The following FHIT variants were observed in gnomAD, a reference collection of about 807,000 sequenced individuals.
FHIT encodes the protein bis(5'-adenosyl)-triphosphatase.
In FHIT, 19 loss-of-function variants were observed where a neutral mutation model predicts 17.9. That is an observed-to-expected ratio of 1.06 (90% confidence interval 0.74 to 1.56). The LOEUF (loss-of-function observed/expected upper bound fraction) is 1.56, where lower values mean the gene tolerates loss of function less well. Among genes scored for constraint, FHIT ranks in the 40% most tolerant of loss-of-function variants. The probability of loss-of-function intolerance (pLI) is 0.00; values close to 1 mark genes in which losing one functional copy is unlikely to be tolerated. For synonymous variants in FHIT, 81 were observed against 69.7 expected (o/e 1.16, Z -0.81); for missense variants, 248 against 189.2 (o/e 1.31, Z -1.82).
chr3:60,614,180 G>A (rs1553674797), intron 4 of FHIT, among the ~76,000 whole-genome samples: 3 of 152,132 alleles, frequency 2.0e-5, no homozygotes, highest in African/African-American at 7.2e-5. Flanking sequence ...GATGAACTAT[G>A]CCTTTGTAAC....
intron 5 of FHIT, among the ~76,000 whole-genome samples, chr3:60,425,834 A>G (rs1296181965): frequency 6.6e-6 from 1 of 152,124 alleles, no homozygotes; most frequent in Non-Finnish European, 1.5e-5. Flanking sequence ...ATAGGATCCC[A>G]GCTTAAATCA....
intron 1 of FHIT, among the ~76,000 whole-genome samples, chr3:61,225,337 A>G (rs1368905145): frequency 6.6e-6 from 1 of 152,204 alleles, no homozygotes; most frequent in Non-Finnish European, 1.5e-5. Flanking sequence ...AAAAATATAT[A>G]TATTTTTTTG....
At chr3:60,866,366 C>G (rs573644346) in intron 3 of FHIT, among the ~76,000 whole-genome samples, 6 of 152,260 alleles carry the variant, frequency 3.9e-5, no homozygotes, top group Non-Finnish European at 7.4e-5. Context: ...AAAGCTTTCC[C>G]CCTTTTCTCT....
intron 5 of FHIT, among the ~76,000 whole-genome samples, chr3:60,229,596 T>C (rs1704392066): frequency 6.6e-6 from 1 of 152,150 alleles, no homozygotes; most frequent in Non-Finnish European, 1.5e-5. Flanking sequence ...ACCTTCTGTC[T>C]TTAGAAGGGG....
At chr3:60,009,076 G>A (rs148272231) in intron 7 of FHIT, among the ~76,000 whole-genome samples, 17 of 151,980 alleles carry the variant, frequency 1.1e-4, no homozygotes, top group Middle Eastern at 3.4e-3. Flanking sequence ...TACAAAGATC[G>A]CATTTTGAAA....
intron 5 of FHIT, among the ~76,000 whole-genome samples, chr3:60,271,299 A>T (rs1029040738): frequency 6.6e-6 from 1 of 152,102 alleles, no homozygotes; most frequent in Non-Finnish European, 1.5e-5. Flanking sequence ...GCTACTCAGG[A>T]GGCTGAGGCA....
chr3:60,989,886 G>A (rs915380012), intron 3 of FHIT, among the ~76,000 whole-genome samples: 1 of 152,190 alleles, frequency 6.6e-6, no homozygotes, highest in Non-Finnish European at 1.5e-5. Flanking sequence ...AAAGCCTGAG[G>A]TGGAAGGAAG....
At chr3:60,569,427 C>G (rs962368268) in intron 4 of FHIT, among the ~76,000 whole-genome samples, 31 of 152,050 alleles carry the variant, frequency 2.0e-4, no homozygotes, top group African/African-American at 7.0e-4. Flanking sequence ...CAAATTAGAT[C>G]CACTGCTTAC....
chr3:59,919,362 T>C (rs1259971389), intron 8 of FHIT, among the ~76,000 whole-genome samples: 1 of 152,208 alleles, frequency 6.6e-6, no homozygotes, highest in Non-Finnish European at 1.5e-5. Context: ...TGCCACTTTG[T>C]AGTCCGATAC....
chr3:60,510,896 A>G (rs910240107), intron 5 of FHIT, among the ~76,000 whole-genome samples: 3 of 152,252 alleles, frequency 2.0e-5, no homozygotes, highest in African/African-American at 7.2e-5. Flanking sequence ...TCAATAGTAC[A>G]TAATAGAATC....
chr3:60,367,705 A>G (rs1700165564), intron 5 of FHIT, among the ~76,000 whole-genome samples: 1 of 152,204 alleles, frequency 6.6e-6, no homozygotes, highest in East Asian at 1.9e-4. Flanking sequence ...GGTATGACCT[A>G]TAGAGGTTTT....
chr3:61,101,417 A>G (rs1286702731), intron 2 of FHIT, among the ~76,000 whole-genome samples: 1 of 152,088 alleles, frequency 6.6e-6, no homozygotes, highest in African/African-American at 2.4e-5. Flanking sequence ...CCGTTGGTCT[A>G]TCTCTCTGTT....
intron 4 of FHIT, among the ~76,000 whole-genome samples, chr3:60,803,609 G>T (rs374632206): frequency 6.6e-6 from 1 of 152,186 alleles, no homozygotes; most frequent in Non-Finnish European, 1.5e-5. Flanking sequence ...TGTGAGTGGG[G>T]AGAAAGAGGG....
At chr3:59,780,918 G>A (rs928811062) in intron 8 of FHIT, among the ~76,000 whole-genome samples, 1 of 152,146 alleles carries the variant, frequency 6.6e-6, no homozygotes, top group Non-Finnish European at 1.5e-5. Flanking sequence ...CTTCAGAGAG[G>A]ATTAGAAGAT....
intron 5 of FHIT, among the ~76,000 whole-genome samples, chr3:60,130,187 G>A (rs1371542293): frequency 6.6e-6 from 1 of 152,156 alleles, no homozygotes; most frequent in Non-Finnish European, 1.5e-5. Flanking sequence ...GTCTGGGAGT[G>A]TCTCTAACCA....
chr3:60,620,151 C>T (rs1010503026), intron 4 of FHIT, among the ~76,000 whole-genome samples: 1 of 152,202 alleles, frequency 6.6e-6, no homozygotes, highest in South Asian at 2.1e-4. Flanking sequence ...ATGACAACAC[C>T]AAGTGCTAGT....
At chr3:60,067,344 G>C (rs975481536) in intron 5 of FHIT, among the ~76,000 whole-genome samples, 1 of 151,832 alleles carries the variant, frequency 6.6e-6, no homozygotes, top group African/African-American at 2.4e-5. Context: ...ATGAATGAAT[G>C]AATGAATGAA....
intron 7 of FHIT, among the ~76,000 whole-genome samples, chr3:59,963,494 G>A (rs928413013): frequency 2.0e-5 from 3 of 152,042 alleles, no homozygotes; most frequent in African/African-American, 7.2e-5. Context: ...GAGAGAGACA[G>A]AAAGAGATAT....
intron 3 of FHIT, among the ~76,000 whole-genome samples, chr3:60,860,218 G>C (rs1475727375): frequency 7.7e-6 from 1 of 130,350 alleles, no homozygotes; most frequent in Non-Finnish European, 1.6e-5. Flanking sequence ...TGGTATACAT[G>C]AGATACATCA....
Sources: gnomAD v4.1 joint callset for allele counts (sites outside exome capture counted in the v4.1 genomes callset) on GRCh38, gnomAD v4.1.1 for gene constraint, MANE v1.5 for transcripts, NCBI Gene and HGNC (gene_info 2026-07-23, HGNC 2026-07-21) for gene names.